SLC9A7: variants seen among roughly 807,000 people sequenced by gnomAD.
SLC9A7 encodes solute carrier family 9 member A7.
A neutral mutation model predicts 52.6 loss-of-function variants in SLC9A7; 19 were observed. The observed-to-expected ratio is 0.36, with a 90% confidence interval of 0.25 to 0.53. The LOEUF (loss-of-function observed/expected upper bound fraction) is 0.53. Among genes scored for constraint, SLC9A7 ranks in the 20% least tolerant of loss-of-function variants. The pLI, the probability that SLC9A7 is intolerant of heterozygous loss-of-function variation, is 0.91. For missense variants in SLC9A7, 455 were observed against 597.9 expected (o/e 0.76, Z 2.49); for synonymous variants, 226 against 252.1 (o/e 0.90, Z 0.98).
At chrX:46,745,748 G>A (rs1205040757) in intron 1 of SLC9A7, among the ~76,000 whole-genome samples, 8 of 109,184 alleles carry the variant, frequency 7.3e-5, no homozygotes, top group African/African-American at 1.0e-4. Context: ...GGGAAACTGA[G>A]GCAGAAGGAT....
intron 14 of SLC9A7, among the ~76,000 whole-genome samples, chrX:46,623,198 T>C (rs1172949467): frequency 8.9e-6 from 1 of 111,746 alleles, no homozygotes; most frequent in Non-Finnish European, 1.9e-5. Flanking sequence ...AGAGAAGCCA[T>C]TGAGAGCCCT....
intron 14 of SLC9A7, among the ~76,000 whole-genome samples, chrX:46,625,524 T>A (rs771585803): frequency 9.1e-5 from 10 of 109,993 alleles, no homozygotes; most frequent in Non-Finnish European, 1.5e-4. Context: ...AGCCTGGCCA[T>A]CATGGCGAAA....
At chrX:46,679,109 T>A (rs955517529) in intron 3 of SLC9A7, among the ~76,000 whole-genome samples, 1 of 112,231 alleles carries the variant, frequency 8.9e-6, no homozygotes, top group East Asian at 2.8e-4. Flanking sequence ...TACAATGTTA[T>A]ATAAATGAAA....
At chrX:46,706,917 T>A (rs766855299) in intron 1 of SLC9A7, among the ~76,000 whole-genome samples, 1 of 111,504 alleles carries the variant, frequency 9.0e-6, no homozygotes, top group East Asian at 2.8e-4. Context: ...ATTTTTATAT[T>A]TTTAATAGAG....
intron 16 of SLC9A7, among the ~76,000 whole-genome samples, chrX:46,610,175 A>G (rs990928092): frequency 8.9e-6 from 1 of 112,768 alleles, no homozygotes; most frequent in African/African-American, 3.2e-5. Flanking sequence ...ATAATCATGT[A>G]ACTAGCTGTG....
chrX:46,752,576 T>C (rs1922313387), intron 1 of SLC9A7, among the ~76,000 whole-genome samples: 1 of 111,297 alleles, frequency 9.0e-6, no homozygotes, highest in East Asian at 2.8e-4. Flanking sequence ...TGTTTCTCTA[T>C]CCTCTGCATT....
At chrX:46,663,346 A>T (rs989265444) in intron 5 of SLC9A7, among the ~76,000 whole-genome samples, 1 of 100,517 alleles carries the variant, frequency 9.9e-6, no homozygotes, top group African/African-American at 3.6e-5. Flanking sequence ...AAACAGAAAG[A>T]AAAAAAAAAG....
chrX:46,694,716 C>G (rs1413220899), intron 1 of SLC9A7, among the ~76,000 whole-genome samples: 1 of 112,028 alleles, frequency 8.9e-6, no homozygotes, highest in Non-Finnish European at 1.9e-5. Flanking sequence ...TACCATACAA[C>G]TCAGCAATTT....
intron 11 of SLC9A7, chrX:46,646,637 T>TTA (rs1943497175): frequency 3.8e-6 from 1 of 263,194 alleles, no homozygotes; most frequent in Admixed American, 4.0e-5. Flanking sequence ...TTCCATGGCT[T>TTA]TATGCACGGT....
intron 1 of SLC9A7, among the ~76,000 whole-genome samples, chrX:46,692,856 C>T (rs1944399153): frequency 9.0e-6 from 1 of 110,909 alleles, no homozygotes. Flanking sequence ...AACACTGGCT[C>T]TCTAAACAGA....
intron 10 of SLC9A7, among the ~76,000 whole-genome samples, chrX:46,649,189 T>C (rs1380431558): frequency 3.6e-5 from 4 of 111,573 alleles, no homozygotes; most frequent in Non-Finnish European, 5.6e-5. Flanking sequence ...ACAGTGTGTG[T>C]TGGGCTCTAC....
At chrX:46,734,709 C>T (rs1335013009) in intron 1 of SLC9A7, among the ~76,000 whole-genome samples, 1 of 110,389 alleles carries the variant, frequency 9.1e-6, no homozygotes, top group Non-Finnish European at 1.9e-5. Flanking sequence ...TTTTGCATCA[C>T]CACACTTATT....
At chrX:46,630,897 C>T (rs139587537) in intron 14 of SLC9A7, among the ~76,000 whole-genome samples, 1 of 112,237 alleles carries the variant, frequency 8.9e-6, no homozygotes, top group African/African-American at 3.2e-5. Flanking sequence ...AACCTTAAGC[C>T]ATCACATAAG....
chrX:46,694,364 C>T (rs1944420605), intron 1 of SLC9A7, among the ~76,000 whole-genome samples: 1 of 110,423 alleles, frequency 9.1e-6, no homozygotes, highest in Non-Finnish European at 1.9e-5. Context: ...TGATAAAGAA[C>T]TTGTATCTAG....
intron 5 of SLC9A7, among the ~76,000 whole-genome samples, chrX:46,666,144 T>C: frequency 8.9e-6 from 1 of 112,011 alleles, no homozygotes; most frequent in Non-Finnish European, 1.9e-5. Flanking sequence ...TCTTGCTCTG[T>C]CATCCAGGCT....
chrX:46,621,882 TATC>T (rs1943052130), intron 14 of SLC9A7, among the ~76,000 whole-genome samples: 1 of 112,198 alleles, frequency 8.9e-6, no homozygotes, highest in Non-Finnish European at 1.9e-5. Context: ...AAGCTATTAT[TATC>T]ATCATTCTCT....
intron 1 of SLC9A7, among the ~76,000 whole-genome samples, chrX:46,758,459 C>T (rs1922843183): frequency 8.9e-6 from 1 of 111,930 alleles, no homozygotes; most frequent in Non-Finnish European, 1.9e-5. Context: ...GGAACCGGAC[C>T]ACCTCTGTCC....
At chrX:46,743,760 T>G (rs921990687) in intron 1 of SLC9A7, among the ~76,000 whole-genome samples, 1 of 111,475 alleles carries the variant, frequency 9.0e-6, no homozygotes, top group Non-Finnish European at 1.9e-5. Flanking sequence ...TAAGCAACAC[T>G]TTAAATCTGA....
intron 14 of SLC9A7, among the ~76,000 whole-genome samples, chrX:46,627,282 C>A (rs940590430): frequency 5.4e-5 from 6 of 110,733 alleles, no homozygotes; most frequent in Admixed American, 4.8e-4. Context: ...CCACTGCACT[C>A]CAGCCTTGGC....
Sources: allele counts gnomAD v4.1 joint callset (sites outside exome capture counted in the v4.1 genomes callset), GRCh38; gene constraint gnomAD v4.1.1; transcripts MANE v1.5; gene names NCBI Gene and HGNC (gene_info 2026-07-23, HGNC 2026-07-21).